The following NLK variants were observed in gnomAD, a reference collection of about 807,000 sequenced individuals.
NLK encodes nemo like kinase.
In NLK, 11 loss-of-function variants were observed where a neutral mutation model predicts 59.0. The ratio of observed to expected loss-of-function variants is 0.19; its 90% CI spans 0.12 to 0.31. The LOEUF (loss-of-function observed/expected upper bound fraction) is 0.31. Ranked by LOEUF, NLK falls within the 10% of genes least tolerant of loss-of-function variation. NLK has a pLI of 1.00. For missense variants in NLK, 410 were observed against 661.1 expected, an observed-to-expected ratio of 0.62 and a Z score of 4.16; for synonymous variants, 235 against 235.9, an observed-to-expected ratio of 1.00 and a Z score of 0.03.
chr17:28,169,978 A>C (rs1254519062), intron 6 of NLK, among the ~76,000 whole-genome samples: 2 of 152,194 alleles, frequency 1.3e-5, no homozygotes, highest in Admixed American at 6.5e-5. Flanking sequence ...TTCCATAAAG[A>C]AAAATGTAGC....
chr17:28,136,774 T>G (rs1906765731), intron 3 of NLK, among the ~76,000 whole-genome samples: 1 of 152,148 alleles, frequency 6.6e-6, no homozygotes, highest in Non-Finnish European at 1.5e-5. Flanking sequence ...CGGCTAATTT[T>G]GTATTTTTAG....
intron 1 of NLK, among the ~76,000 whole-genome samples, chr17:28,077,009 C>G (rs1910179674): frequency 7.7e-6 from 1 of 130,468 alleles, no homozygotes. Flanking sequence ...TTGATGTTTT[C>G]TTTAGTTAGT....
chr17:28,082,070 T>A (rs1434698638), intron 1 of NLK, among the ~76,000 whole-genome samples: 1 of 152,178 alleles, frequency 6.6e-6, no homozygotes, highest in Non-Finnish European at 1.5e-5. Flanking sequence ...ATTTTTTTAT[T>A]TTTAGTAGAG....
At chr17:28,081,272 A>G (rs1182150768) in intron 1 of NLK, among the ~76,000 whole-genome samples, 34 of 151,964 alleles carry the variant, frequency 2.2e-4, no homozygotes. Context: ...GCGTGATCAC[A>G]GCTCACTTCA....
chr17:28,166,879 G>A (rs1908259291), intron 5 of NLK, among the ~76,000 whole-genome samples: 1 of 152,172 alleles, frequency 6.6e-6, no homozygotes, highest in Admixed American at 6.5e-5. Context: ...CATACAGTCT[G>A]TAATATAACA....
At chr17:28,099,072 C>G (rs1433601851) in intron 1 of NLK, among the ~76,000 whole-genome samples, 2 of 151,926 alleles carry the variant, frequency 1.3e-5, no homozygotes, top group South Asian at 4.2e-4. Context: ...AAAGGTCCAC[C>G]CATTTTTTAA....
chr17:28,191,718 G>A (rs1909313752), intron 9 of NLK, among the ~76,000 whole-genome samples: 1 of 152,188 alleles, frequency 6.6e-6, no homozygotes, highest in Admixed American at 6.5e-5. Flanking sequence ...TTTTACAAGA[G>A]AGAGAGTAGT....
chr17:28,126,972 A>G lies in NLK; in HGVS notation c.588+4240A>G, dbSNP rs114816664. Among the ~76,000 whole-genome samples, 157 of 152,282 alleles carry G rather than the reference A, an allele frequency of 1.0e-3. 1 individual carries two copies. The highest frequency in any genetic ancestry group is 3.7e-3 in the African/African-American group (153 of 41,560). Reference sequence around the variant, plus strand: ...TGAGATGAAAGCTATGAATCCTGTCAGAAAAATGCACATATATACAATTTT... The same window carrying G: ...TGAGATGAAAGCTATGAATCCTGTCGGAAAAATGCACATATATACAATTTT... On this transcript the variant is annotated intron_variant, in intron 2 of 10. Coordinates refer to ENST00000407008, the MANE Select transcript of NLK (RefSeq NM_016231.5).
intron 3 of NLK, among the ~76,000 whole-genome samples, chr17:28,143,259 G>T (rs1243893923): frequency 3.3e-5 from 5 of 151,888 alleles, no homozygotes; most frequent in African/African-American, 1.2e-4. Context: ...GGCCAGGATG[G>T]TCTCGCTCTC....
At chr17:28,134,201 C>T (rs1046473747) in intron 3 of NLK, among the ~76,000 whole-genome samples, 1 of 152,096 alleles carries the variant, frequency 6.6e-6, no homozygotes, top group Admixed American at 6.5e-5. Context: ...AGTTGAAGAC[C>T]AGCCTGGGCA....
At chr17:28,091,613 T>C (rs183409885) in intron 1 of NLK, among the ~76,000 whole-genome samples, 2 of 152,166 alleles carry the variant, frequency 1.3e-5, no homozygotes, top group African/African-American at 4.8e-5. Flanking sequence ...TTCAGTAATC[T>C]ACCAAATAAA....
intron 7 of NLK, among the ~76,000 whole-genome samples, chr17:28,178,027 G>A (rs892907425): frequency 6.6e-6 from 1 of 152,198 alleles, no homozygotes; most frequent in Non-Finnish European, 1.5e-5. Flanking sequence ...AGCTTTCCTA[G>A]AAGCCTGCTT....
rs181498857 is a variant in NLK at position 28,101,164 on chromosome 17, C to T, written c.459-21439C>T. Reference sequence around the variant, plus strand: ...TATGTCTATCATTATGCCAGTACCACCACATATTGATTTCTGTAGCTTTAT... The same window carrying T: ...TATGTCTATCATTATGCCAGTACCATCACATATTGATTTCTGTAGCTTTAT... On this transcript the variant is annotated intron_variant, in intron 1 of 10. Transcript: ENST00000407008. Among the ~76,000 whole-genome samples the T allele has an allele frequency of 1.3e-4, 20 of 152,260 alleles. No individual in the cohort carries two copies. The East Asian group carries it at 3.5e-3, about 26-fold the overall frequency.
rs1457260817 is a variant in NLK at position 28,042,904 on chromosome 17, A to G, written c.31A>G (p.Lys11Glu). 3.3e-6 allele frequency: 5 copies of G among 1,530,100 alleles called. No individual in the cohort carries two copies. Among genetic ancestry groups the G allele is most frequent in the Non-Finnish European group, 4.4e-6 (5 of 1,134,208 alleles). 94.8% of individuals were successfully genotyped at this position (1,530,100 alleles called of 1,614,324 possible). A position where few individuals can be genotyped will look rare whatever the true frequency, so the allele number is the denominator to read the frequency against. The change falls in exon 1 of 11, where the codon AAA (lysine) becomes GAA (glutamate). Residue 11 changes from lysine to glutamate, a missense_variant. This residue lies in a region of NLK where 160 missense variants were observed against 171.0 expected (regional missense o/e 0.94). Coordinates refer to ENST00000407008, the MANE Select transcript of NLK (RefSeq NM_016231.5). ...TCTTTGTGGCGCAAGAGCCAACGCA[A>G]AAATGATGGCGGCTTACAATGGCGG... is the stretch of plus-strand genomic sequence containing the variant. MSLCGARANA[K>E]MMAAYNGGTS...
At chr17:28,177,048 T>C (rs1908707816) in intron 7 of NLK, among the ~76,000 whole-genome samples, 2 of 152,056 alleles carry the variant, frequency 1.3e-5, no homozygotes, top group East Asian at 3.9e-4. Context: ...TTAAGAAAAA[T>C]TATAAGGAAG....
Position 28,075,667 on chromosome 17 carries a change from A to G in NLK, c.458+32336A>G, listed in dbSNP as rs568076569. 2.6e-4 allele frequency among the ~76,000 whole-genome samples: 39 copies of G among 152,304 alleles called. No individual in the cohort carries two copies. In the South Asian group the frequency reaches 6.4e-3, roughly 25 times the overall value. On this transcript the variant is annotated intron_variant, in intron 1 of 10. Transcript: ENST00000407008. ...GTTTTCTTCTTTTGCTTTGGCTACT[A>G]TAAAGCCCAGAGTCAAATGTGCACC...
chr17:28,121,461 C>A, intron 1 of NLK, among the ~76,000 whole-genome samples: 1 of 143,094 alleles, frequency 7.0e-6, no homozygotes, highest in Non-Finnish European at 1.5e-5. Context: ...GCCGTGTATA[C>A]TCAATTTATT....
At chr17:28,200,320 C>G (rs558308229), downstream of NLK, among the ~76,000 whole-genome samples, 1 of 152,060 alleles carries the variant, frequency 6.6e-6, no homozygotes, top group South Asian at 2.1e-4. Context: ...CCATTTTGAG[C>G]TAATTTTTGT....
At chr17:28,116,270 T>C in intron 1 of NLK, 1 of 199,668 alleles carries the variant, frequency 5.0e-6, no homozygotes, top group South Asian at 1.0e-4. Flanking sequence ...ATCCTTCATG[T>C]ACTGATGGAA....
Sources: allele counts gnomAD v4.1 joint callset (sites outside exome capture counted in the v4.1 genomes callset), GRCh38; gene constraint gnomAD v4.1.1; regional missense constraint gnomAD v4.1.1; transcripts MANE v1.5; gene names NCBI Gene and HGNC (gene_info 2026-07-23, HGNC 2026-07-21).